Variants in DSG2 observed in about 807,000 individuals in gnomAD.
DSG2 encodes desmoglein-2.
A neutral mutation model predicts 75.6 loss-of-function variants in DSG2; 45 were observed. The ratio of observed to expected loss-of-function variants is 0.60; its 90% CI spans 0.47 to 0.76. The LOEUF (loss-of-function observed/expected upper bound fraction) is 0.76. DSG2 is among the 30% of genes least tolerant of loss of function. The pLI is 0.00. For synonymous variants in DSG2, 429 were observed against 483.9 expected (o/e 0.89, Z 1.49); for missense variants, 1,267 against 1,357.4 (o/e 0.93, Z 1.05).
At chr18:31,502,744 C>T (rs1232966067) in intron 1 of DSG2, among the ~76,000 whole-genome samples, 1 of 149,672 alleles carries the variant, frequency 6.7e-6, no homozygotes, top group East Asian at 2.0e-4. Context: ...GAGGGAGACT[C>T]TGTCAAAAAA....
intron 14 of DSG2, among the ~76,000 whole-genome samples, chr18:31,543,864 T>TAA (rs576034927): frequency 0.023 from 2,147 of 94,706 alleles, 39 homozygotes; most frequent in African/African-American, 0.048. Context: ...AAACTCTGTC[T>TAA]AAAAAAAAAA....
rs2073222488 is a variant in DSG2 at position 31,535,331 on chromosome 18, A to G, written c.1342A>G (p.Lys448Glu). 2.5e-6 allele frequency: 4 copies of G among 1,604,434 alleles called. No individual in the cohort carries two copies. Among genetic ancestry groups the G allele is most frequent in the Non-Finnish European group, 3.4e-6 (4 of 1,171,842 alleles). ...ISVDSVTSEIKLAKLPDFESR... is the reference protein window; with the variant it reads ...ISVDSVTSEIELAKLPDFESR... The stretch of plus-strand genomic sequence containing the variant: ...TGTGGATTCTGTCACATCTGAAATT[A>G]AACTTGCAAAACTTCCTGATTTTGA... The change falls in exon 10 of 15, where the codon AAA becomes GAA. Residue 448 changes from lysine to glutamate, a missense_variant. Lys to Glu is a moderately conservative substitution (Grantham distance 56). Coordinates refer to ENST00000261590, the MANE Select transcript of DSG2 (RefSeq NM_001943.5).
chr18:31,521,370 A>G (rs2073127615), intron 5 of DSG2, 127 bp downstream of exon 5: 1 of 1,050,844 alleles, frequency 9.5e-7, no homozygotes, highest in Admixed American at 2.5e-5. Flanking sequence ...ATGATAAGAA[A>G]GCAGTTCAGA....
intron 1 of DSG2, among the ~76,000 whole-genome samples, chr18:31,513,802 T>G (rs2073079376): frequency 3.3e-5 from 5 of 152,210 alleles, no homozygotes; most frequent in Admixed American, 2.6e-4. Flanking sequence ...AATCAGTACC[T>G]TAGCCAGTGG....
chr18:31,502,463 C>G (rs2073018452), intron 1 of DSG2, among the ~76,000 whole-genome samples: 2 of 152,112 alleles, frequency 1.3e-5, no homozygotes, highest in Non-Finnish European at 2.9e-5. Flanking sequence ...AAATTAGAAA[C>G]TTTAGGCTGG....
At chr18:31,521,344 AT>A in intron 5 of DSG2, 101 bp downstream of exon 5, 1 of 1,225,226 alleles carries the variant, frequency 8.2e-7, no homozygotes, top group Non-Finnish European at 1.1e-6. Flanking sequence ...AAAGTTGAGT[AT>A]TACCTACAGA....
At chr18:31,523,060 T>C (rs1157698537) in intron 6 of DSG2, among the ~76,000 whole-genome samples, 1 of 152,192 alleles carries the variant, frequency 6.6e-6, no homozygotes, top group African/African-American at 2.4e-5. Context: ...ACACTCTTTG[T>C]CATCAGATAT....
intron 14 of DSG2, among the ~76,000 whole-genome samples, chr18:31,544,561 G>A (rs2073292000): frequency 6.6e-6 from 1 of 151,612 alleles, no homozygotes; most frequent in Admixed American, 6.6e-5. Context: ...AGATAATGAT[G>A]AATTTTAGAG....
intron 12 of DSG2, among the ~76,000 whole-genome samples, chr18:31,539,338 A>G (rs576409758): frequency 3.3e-5 from 5 of 152,296 alleles, no homozygotes; most frequent in Middle Eastern, 3.4e-3. Context: ...TAAGCGCTCA[A>G]AAAAGATGTG....
chr18:31,536,120 C>G, intron 10 of DSG2, 82 bp from the exon 11 acceptor site: 1 of 1,391,782 alleles, frequency 7.2e-7, no homozygotes, highest in Non-Finnish European at 1.0e-6. Context: ...TTCTCCACTC[C>G]AAATTGGCAA....
chr18:31,502,700 G>A (rs1417550145), intron 1 of DSG2, among the ~76,000 whole-genome samples: 2 of 151,988 alleles, frequency 1.3e-5, no homozygotes, highest in African/African-American at 2.4e-5. Context: ...GCAGTGAGCC[G>A]AGATTGTGCC....
At chr18:31,529,085 G>T (rs767660914) in intron 8 of DSG2, among the ~76,000 whole-genome samples, 1 of 152,132 alleles carries the variant, frequency 6.6e-6, no homozygotes, top group Non-Finnish European at 1.5e-5. Context: ...ATAGTAAATA[G>T]TCACATGAGA....
intron 1 of DSG2, among the ~76,000 whole-genome samples, chr18:31,508,351 T>G (rs1470957768): frequency 6.7e-6 from 1 of 148,590 alleles, no homozygotes; most frequent in African/African-American, 2.5e-5. Context: ...CTGAACTGCC[T>G]GATTTATTTT....
In DSG2 at chr18:31,505,786, C is replaced by T. The variant is rs148078423; in HGVS notation, c.45+7490C>T. 4.7e-3 allele frequency among the ~76,000 whole-genome samples: 706 copies of T among 151,736 alleles called. 6 individuals are homozygous for T. The highest frequency in any genetic ancestry group is 0.016 in the African/African-American group (669 of 41,344). On this transcript the variant is annotated intron_variant, in intron 1 of 14. Transcript: ENST00000261590. ...CAGCGATTCTCCTGCCTCAACCTCC[C>T]GAGTAGCTGGGACTACAGGTGCACG...
In DSG2 at chr18:31,520,955, A is replaced by G. The variant is rs2144315797; in HGVS notation, c.369A>G (p.Pro123=). ...VTSILDREET[P]FFLLTGYALD... ...GCATTCTTGATCGAGAAGAAACACC[A>G]TTTTTTCTGGTAAGAAGAATAATTT... Residue 123 remains proline (P), a synonymous_variant, in exon 4 of 15, where the codon CCA becomes CCG. Transcript: ENST00000261590. The G allele has an allele frequency of 6.2e-7, 1 of 1,613,474 alleles. No individual in the cohort carries two copies.
In DSG2 at chr18:31,519,953, G is replaced by A. The variant is rs200239610; in HGVS notation, c.216+16G>A. The A allele has an allele frequency of 8.7e-4, 1,397 of 1,614,122 alleles. 1 individual carries two copies. The highest frequency in any genetic ancestry group is 1.3e-3 in the Admixed American group (81 of 60,014). ...AATTGCCAAGGTACCTCCTAAAGAG[G>A]AACATGAAATACATGCATATGACTA... On this transcript the variant is annotated intron_variant, in intron 3 of 14. Coordinates refer to ENST00000261590, the MANE Select transcript of DSG2 (RefSeq NM_001943.5).
intron 10 of DSG2, 80 bp from the exon 11 acceptor site, chr18:31,536,122 A>G (rs2144341139): frequency 1.4e-6 from 2 of 1,414,770 alleles, no homozygotes; most frequent in Admixed American, 1.8e-5. Context: ...CTCCACTCCA[A>G]ATTGGCAAGG....
At chr18:31,498,521 A>G (rs1035518601) in intron 1 of DSG2, among the ~76,000 whole-genome samples, 2 of 152,068 alleles carry the variant, frequency 1.3e-5, no homozygotes, top group Non-Finnish European at 2.9e-5. Flanking sequence ...GTTGCGACCT[A>G]TCGAAGTTGT....
At chr18:31,544,033 A>C (rs979814980) in intron 14 of DSG2, among the ~76,000 whole-genome samples, 11 of 152,216 alleles carry the variant, frequency 7.2e-5, no homozygotes, top group Non-Finnish European at 1.3e-4. Flanking sequence ...TTTAAAACTT[A>C]AAGCAAAAAC....
Sources: gnomAD v4.1 joint callset for allele counts (sites outside exome capture counted in the v4.1 genomes callset) on GRCh38, gnomAD v4.1.1 for gene constraint, MANE v1.5 for transcripts, NCBI Gene and HGNC (gene_info 2026-07-23, HGNC 2026-07-21) for gene names.